Variants in LRP1-AS observed in about 807,000 individuals in gnomAD.
LRP1-AS encodes the protein LRP1 antisense RNA.
intron 1 of LRP1-AS, chr12:57,145,562 A>T: frequency 6.4e-7 from 1 of 1,557,254 alleles, no homozygotes; most frequent in African/African-American, 1.3e-5. Context: ...CCTATCTTGA[A>T]CAGAGGCCGG....
At chr12:57,145,119 G>T in intron 1 of LRP1-AS, 1 of 1,613,818 alleles carries the variant, frequency 6.2e-7, no homozygotes, top group Non-Finnish European at 8.5e-7. Context: ...GGTTGCCTCT[G>T]GCCACAGTGC....
At position 57,146,731 on chromosome 12, in the gene LRP1-AS, C is replaced by G. The variant is rs2136665119; in HGVS notation, n.181+708G>C. ...CTGCTGTCCACAGCTCACCTGTGAT[C>G]AGACATGTGTCCTCCTTGGGGTGCT... is the stretch of plus-strand genomic sequence containing the variant. On this transcript the variant is annotated intron_variant and non_coding_transcript_variant, in intron 1 of 1. Transcript: ENST00000555461. 1.3e-5 allele frequency: 2 copies of G among 152,478 alleles called. 1 individual carries two copies. The highest frequency in any genetic ancestry group is 4.1e-4 in the South Asian group (2 of 4,832). The allele number at this position is 152,478 out of a possible 1,614,324, so 9.4% of individuals were successfully genotyped here.
chr12:57,145,195 G>A (rs370313540), intron 1 of LRP1-AS: 15 of 1,613,648 alleles, frequency 9.3e-6, no homozygotes, highest in African/African-American at 1.3e-5. Flanking sequence ...TAGAGCCCTG[G>A]CTGCACGGAC....
At chr12:57,145,367 G>A in intron 1 of LRP1-AS, 2 of 1,614,170 alleles carry the variant, frequency 1.2e-6, no homozygotes, top group Non-Finnish European at 1.7e-6. Context: ...CTATGCCAAC[G>A]AGACCGTATG....
At chr12:57,145,212 C>G (rs755343155) in intron 1 of LRP1-AS, 2 of 1,613,962 alleles carry the variant, frequency 1.2e-6, no homozygotes, top group Non-Finnish European at 1.7e-6. Context: ...GGACTCTTCT[C>G]TTCCCCATTC....
intron 1 of LRP1-AS, among the ~76,000 whole-genome samples, chr12:57,147,209 G>A (rs1460396943): frequency 6.6e-6 from 1 of 151,130 alleles, no homozygotes; most frequent in Non-Finnish European, 1.5e-5. Context: ...CCCAGCTTCT[G>A]TCCCTTCCTC....
At chr12:57,145,341 C>T in intron 1 of LRP1-AS, 1 of 1,614,206 alleles carries the variant, frequency 6.2e-7, no homozygotes, top group Non-Finnish European at 8.5e-7. Flanking sequence ...CGGCAGACCA[C>T]AGCCATGGAC....
chr12:57,144,901 G>A (rs1013167322), exon 2 of LRP1-AS: 16 of 1,446,062 alleles, frequency 1.1e-5, no homozygotes, highest in African/African-American at 1.4e-5. Flanking sequence ...TGTTGATCAT[G>A]TCTGATGATC....
intron 1 of LRP1-AS, chr12:57,146,827 A>T (rs956241639): frequency 6.6e-6 from 1 of 152,300 alleles, no homozygotes; most frequent in Non-Finnish European, 1.5e-5. Context: ...CCCATGGCTG[A>T]TGGGGTGGGA....
intron 1 of LRP1-AS, among the ~76,000 whole-genome samples, chr12:57,145,810 T>C (rs1013182931): frequency 2.0e-5 from 3 of 152,076 alleles, no homozygotes; most frequent in African/African-American, 4.8e-5. Context: ...AGAGGGACTT[T>C]CCGGTGCAGT....
In LRP1-AS at chr12:57,147,152, A is replaced by C. The variant is rs528539968; in HGVS notation, n.181+287T>G. ...GGGGCAGAGTCCAGGAGGCTAGAAG[A>C]GTCCAAGGGGAAATGCTTGTGGGGT... On this transcript the variant is annotated intron_variant and non_coding_transcript_variant, in intron 1 of 1. Transcript: ENST00000555461. 1.1e-4 allele frequency among the ~76,000 whole-genome samples: 17 copies of C among 151,780 alleles called. 1 individual carries two copies. The highest frequency in any genetic ancestry group is 1.0e-3 in the Admixed American group (16 of 15,256).
chr12:57,145,526 G>A (rs1389894191), intron 1 of LRP1-AS: 5 of 1,603,332 alleles, frequency 3.1e-6, no homozygotes, highest in East Asian at 2.2e-5. Flanking sequence ...GGGCTGGGGA[G>A]GGTAGGGGAG....
chr12:57,145,252 G>A, intron 1 of LRP1-AS: 1 of 1,614,146 alleles, frequency 6.2e-7, no homozygotes, highest in African/African-American at 1.3e-5. Flanking sequence ...CCCCTGTGCT[G>A]TTGATAGCCA....
intron 1 of LRP1-AS, chr12:57,145,369 G>A: frequency 1.2e-6 from 2 of 1,614,164 alleles, no homozygotes; most frequent in Non-Finnish European, 1.7e-6. Context: ...ATGCCAACGA[G>A]ACCGTATGCT....
At position 57,145,263 on chromosome 12, in the gene LRP1-AS, A is replaced by G. The variant is rs142306945; in HGVS notation, n.182-180T>C. The G allele has an allele frequency of 2.7e-5, 43 of 1,613,720 alleles. No individual in the cohort carries two copies. The African/African-American group carries it at 4.7e-4, about 18-fold the overall frequency. On this transcript the variant is annotated intron_variant and non_coding_transcript_variant, in intron 1 of 1. Transcript: ENST00000555461. The stretch of plus-strand genomic sequence containing the variant: ...CGGCCCCCTGTGCTGTTGATAGCCA[A>G]CTCCCAGAACATCTTGGCCACGTAC...
intron 1 of LRP1-AS, chr12:57,145,348 G>A: frequency 6.2e-7 from 1 of 1,614,174 alleles, no homozygotes; most frequent in South Asian, 1.1e-5. Flanking sequence ...CCACAGCCAT[G>A]GACTTCAGCT....
At chr12:57,146,778 G>A (rs1443943803) in intron 1 of LRP1-AS, 2 of 152,564 alleles carry the variant, frequency 1.3e-5, no homozygotes, top group Non-Finnish European at 2.9e-5. Flanking sequence ...TGTCAAGCCT[G>A]GTTGGCTGAG....
chr12:57,145,846 A>G (rs2035394600), intron 1 of LRP1-AS, among the ~76,000 whole-genome samples: 1 of 152,050 alleles, frequency 6.6e-6, no homozygotes. Context: ...GGAAAGAAGG[A>G]GCGGAAGCCT....
exon 2 of LRP1-AS, chr12:57,145,027 C>T (rs753788231): frequency 5.1e-5 from 83 of 1,613,996 alleles, no homozygotes; most frequent in South Asian, 9.9e-5. Context: ...CCAACACAGA[C>T]GGCTCCTTCA....
Sources: gnomAD v4.1 joint callset for allele counts (sites outside exome capture counted in the v4.1 genomes callset) on GRCh38, gnomAD v4.1.1 for gene constraint, MANE v1.5 for transcripts, NCBI Gene and HGNC (gene_info 2026-07-23, HGNC 2026-07-21) for gene names.